Variants in MACROD2 observed in about 807,000 individuals in gnomAD.
The protein encoded by MACROD2 is ADP-ribose glycohydrolase MACROD2.
MACROD2 carries 36 observed loss-of-function variants against 70.4 expected under a neutral mutation model. That is an observed-to-expected ratio of 0.51 (90% CI 0.39 to 0.68). The LOEUF (loss-of-function observed/expected upper bound fraction) is 0.68, where lower values mean the gene tolerates loss of function less well. MACROD2 is among the 30% of genes least tolerant of loss of function. MACROD2 has a pLI of 0.00. For missense variants in MACROD2, 496 were observed against 538.4 expected, an observed-to-expected ratio of 0.92 and a Z score of 0.78; for synonymous variants, 172 against 178.8, an observed-to-expected ratio of 0.96 and a Z score of 0.30.
intron 13 of MACROD2, among the ~76,000 whole-genome samples, chr20:15,983,060 C>A (rs1343937918): frequency 6.6e-6 from 1 of 152,154 alleles, no homozygotes; most frequent in African/African-American, 2.4e-5. Context: ...AGGGCTGGGG[C>A]CAACATGAGT....
chr20:15,344,424 A>G (rs1489930661), intron 6 of MACROD2, among the ~76,000 whole-genome samples: 1 of 152,202 alleles, frequency 6.6e-6, no homozygotes, highest in Non-Finnish European at 1.5e-5. Flanking sequence ...CTTCTGTGCT[A>G]CAGGCTTAGG....
chr20:14,906,869 C>T lies in MACROD2; in HGVS notation c.418+221910C>T, dbSNP rs371782537. The stretch of plus-strand genomic sequence containing the variant: ...AGTATTTGTTAATTAATTTAACAAA[C>T]ATTTTTGGGGTGCTGAGGTAAAGAA... On this transcript the variant is annotated intron_variant, in intron 5 of 17. Coordinates refer to ENST00000684519, the MANE Select transcript of MACROD2 (RefSeq NM_001351661.2). Among the ~76,000 whole-genome samples, 200 of 152,248 alleles carry T rather than the reference C, an allele frequency of 1.3e-3. 1 individual carries two copies. Among genetic ancestry groups the T allele is most frequent in the African/African-American group, 4.3e-3 (178 of 41,546 alleles).
At chr20:14,206,441 G>A (rs929209256) in intron 3 of MACROD2, among the ~76,000 whole-genome samples, 8 of 152,140 alleles carry the variant, frequency 5.3e-5, no homozygotes, top group Admixed American at 2.6e-4. Flanking sequence ...AAACGTTCAG[G>A]AAATATTTAT....
chr20:14,158,792 T>G (rs2055141533), intron 3 of MACROD2, among the ~76,000 whole-genome samples: 1 of 152,236 alleles, frequency 6.6e-6, no homozygotes, highest in African/African-American at 2.4e-5. Flanking sequence ...ACCAATACCA[T>G]GCTGTTTTGG....
intron 15 of MACROD2, among the ~76,000 whole-genome samples, chr20:16,010,800 C>T (rs1220562633): frequency 2.6e-5 from 4 of 152,106 alleles, no homozygotes; most frequent in Non-Finnish European, 5.9e-5. Flanking sequence ...CTGTGAATCT[C>T]GATTATTTAG....
At position 14,024,596 on chromosome 20, in the gene MACROD2, G is replaced by T. The variant is rs532455425; in HGVS notation, c.163+22192G>T. Among the ~76,000 whole-genome samples the T allele has an allele frequency of 2.0e-5, 3 of 151,954 alleles. No homozygotes were observed. The East Asian group carries it at 5.8e-4, about 29-fold the overall frequency. On this transcript the variant is annotated intron_variant, in intron 2 of 17. Coordinates refer to ENST00000684519, the MANE Select transcript of MACROD2 (RefSeq NM_001351661.2). ...GCTTATTGAGAGTTTTTAGCATGAA[G>T]TGGTGTTAAATTTTCTGTATCTATT...
intron 8 of MACROD2, among the ~76,000 whole-genome samples, chr20:15,753,969 A>G (rs1282022636): frequency 2.0e-5 from 3 of 152,210 alleles, no homozygotes; most frequent in African/African-American, 7.2e-5. Context: ...TGACAAATCT[A>G]TAATCATCAC....
chr20:15,825,327 A>G lies in MACROD2; in HGVS notation c.646-37418A>G, dbSNP rs988294163. ...CACTCCCTTCCAGGACACAGGCATC[A>G]TACTATGAAAAGCTCAAGCCACATG... On this transcript the variant is annotated intron_variant, in intron 8 of 17. Coordinates refer to ENST00000684519, the MANE Select transcript of MACROD2 (RefSeq NM_001351661.2). 2.4e-4 allele frequency among the ~76,000 whole-genome samples: 37 copies of G among 152,178 alleles called. 1 individual carries two copies. Among genetic ancestry groups the G allele is most frequent in the African/African-American group, 8.4e-4 (35 of 41,450 alleles).
chr20:15,924,784 CA>C (rs1172738266), intron 10 of MACROD2, among the ~76,000 whole-genome samples: 3 of 149,232 alleles, frequency 2.0e-5, no homozygotes, highest in Admixed American at 6.7e-5. Context: ...CATTCTTCAG[CA>C]AAAAAAAAGC....
chr20:14,477,035 G>A (rs1012135114), intron 3 of MACROD2, among the ~76,000 whole-genome samples: 2 of 152,174 alleles, frequency 1.3e-5, no homozygotes, highest in African/African-American at 2.4e-5. Context: ...ACTAGGCAGT[G>A]AGAGTTAACA....
At chr20:15,937,411 G>T in intron 11 of MACROD2, 65 bp from the exon 12 acceptor site, 1 of 1,487,472 alleles carries the variant, frequency 6.7e-7, no homozygotes, top group South Asian at 1.1e-5. Context: ...GTGCAGGGCA[G>T]GAAAGCCACA....
rs528969481 is a variant in MACROD2 at position 15,848,732 on chromosome 20, G to A, written c.646-14013G>A. 3.9e-5 allele frequency among the ~76,000 whole-genome samples: 6 copies of A among 152,214 alleles called. No individual in the cohort carries two copies. The East Asian group carries it at 7.7e-4, about 20-fold the overall frequency. ...ATTTCTTCCGCAGAGAGAAAGCCAG[G>A]GGGCCCATGTTTCTACCTTTTTCCT... On this transcript the variant is annotated intron_variant, in intron 8 of 17. Transcript: ENST00000684519.
chr20:14,719,473 G>GAAAAAAAAAAAAAAAAA (rs11087105), intron 5 of MACROD2, among the ~76,000 whole-genome samples: 5 of 136,312 alleles, frequency 3.7e-5, no homozygotes, highest in South Asian at 2.3e-4. Flanking sequence ...AAGATAGAAA[G>GAAAAAAAAAAAAAAAAA]AAAAAAAAAA....
At chr20:15,322,717 T>A (rs1198403216) in intron 6 of MACROD2, among the ~76,000 whole-genome samples, 1 of 144,420 alleles carries the variant, frequency 6.9e-6, no homozygotes. Flanking sequence ...TCCCTGAATT[T>A]GTCTTCTATT....
chr20:14,419,055 T>TG (rs890747882), intron 3 of MACROD2, among the ~76,000 whole-genome samples: 57 of 148,348 alleles, frequency 3.8e-4, no homozygotes, highest in South Asian at 2.5e-3. Flanking sequence ...TTTTTTTTGT[T>TG]TTGTTTTTTG....
At chr20:15,276,435 C>T (rs1568686133) in intron 6 of MACROD2, among the ~76,000 whole-genome samples, 1 of 151,620 alleles carries the variant, frequency 6.6e-6, no homozygotes, top group Non-Finnish European at 1.5e-5. Flanking sequence ...TCATTGATCA[C>T]CTTTGCTAAG....
At position 15,569,621 on chromosome 20, in the gene MACROD2, A is replaced by G. The variant is rs1012171038; in HGVS notation, c.645+69774A>G. On this transcript the variant is annotated intron_variant, in intron 8 of 17. Coordinates refer to ENST00000684519, the MANE Select transcript of MACROD2 (RefSeq NM_001351661.2). ...GAGATCAGATTTTTTGGATCTGCAT[A>G]TAAGAAGTGAGATCATGCAGCATTT... is the stretch of plus-strand genomic sequence containing the variant. 4.6e-5 allele frequency among the ~76,000 whole-genome samples: 7 copies of G among 152,296 alleles called. No individual in the cohort carries two copies. In the South Asian group the frequency reaches 1.4e-3, roughly 32 times the overall value.
At chr20:15,838,429 G>A (rs2064136952) in intron 8 of MACROD2, among the ~76,000 whole-genome samples, 1 of 152,136 alleles carries the variant, frequency 6.6e-6, no homozygotes, top group Non-Finnish European at 1.5e-5. Context: ...CAAAAATTAA[G>A]CATCAATTAG....
intron 5 of MACROD2, among the ~76,000 whole-genome samples, chr20:15,152,815 C>T (rs931698083): frequency 6.6e-6 from 1 of 152,054 alleles, no homozygotes; most frequent in Non-Finnish European, 1.5e-5. Flanking sequence ...GCTGCCTTCC[C>T]TAGTCCATGA....
Sources: allele counts gnomAD v4.1 joint callset (sites outside exome capture counted in the v4.1 genomes callset), GRCh38; gene constraint gnomAD v4.1.1; transcripts MANE v1.5; gene names NCBI Gene and HGNC (gene_info 2026-07-23, HGNC 2026-07-21).